The following SPAM1 variants were observed in gnomAD, a reference collection of about 807,000 sequenced individuals.
The protein encoded by SPAM1 is hyaluronidase PH-20.
A neutral mutation model predicts 29.6 loss-of-function variants in SPAM1; 22 were observed. The ratio of observed to expected loss-of-function variants is 0.74; its 90% CI spans 0.53 to 1.06. SPAM1 has a LOEUF of 1.06. Among genes scored for constraint, SPAM1 ranks in the 50% least tolerant of loss-of-function variants. SPAM1 has a pLI of 0.00. For synonymous variants in SPAM1, 194 were observed against 204.6 expected (o/e 0.95, Z 0.44); for missense variants, 534 against 604.0 (o/e 0.88, Z 1.21).
chr7:123,960,077 G>C, downstream of SPAM1: 1 of 1,459,526 alleles, frequency 6.9e-7, no homozygotes, highest in Non-Finnish European at 9.1e-7. Context: ...TTTTTGGAAA[G>C]TTCTTTCTGA....
At chr7:123,930,278 C>T (rs1319508711) in intron 1 of SPAM1, among the ~76,000 whole-genome samples, 1 of 152,124 alleles carries the variant, frequency 6.6e-6, no homozygotes, top group East Asian at 1.9e-4. Flanking sequence ...ATGGATTCAT[C>T]ATTTGGCCAT....
At chr7:123,959,084 A>C (rs1363270563) in intron 4 of SPAM1, among the ~76,000 whole-genome samples, 2 of 152,050 alleles carry the variant, frequency 1.3e-5, no homozygotes, top group African/African-American at 4.8e-5. Context: ...TAAGACTTAG[A>C]AAGCTTAAGA....
At chr7:123,956,967 A>T (rs1342184230) in intron 4 of SPAM1, among the ~76,000 whole-genome samples, 1 of 151,988 alleles carries the variant, frequency 6.6e-6, no homozygotes, top group African/African-American at 2.4e-5. Context: ...TCCATAGACT[A>T]CAAAGTATGC....
intron 3 of SPAM1, among the ~76,000 whole-genome samples, 162 bp downstream of exon 3, chr7:123,954,686 C>T (rs1022949138): frequency 3.3e-5 from 5 of 151,848 alleles, no homozygotes; most frequent in Non-Finnish European, 7.4e-5. Context: ...AACAAGAATA[C>T]GCTTAATCTT....
intron 4 of SPAM1, among the ~76,000 whole-genome samples, chr7:123,956,849 T>G (rs1239864480): frequency 6.6e-6 from 1 of 151,968 alleles, no homozygotes; most frequent in African/African-American, 2.4e-5. Flanking sequence ...TCAGTAATGT[T>G]TGGGAGGTAG....
chr7:123,955,181 T>G (rs748483874), intron 4 of SPAM1, 95 bp downstream of exon 4: 16 of 839,718 alleles, frequency 1.9e-5, no homozygotes, highest in Non-Finnish European at 3.2e-5. Context: ...AGTAGTACTA[T>G]GCTTGGCATG....
At chr7:123,951,363 C>T (rs1369701970) in intron 2 of SPAM1, among the ~76,000 whole-genome samples, 1 of 152,064 alleles carries the variant, frequency 6.6e-6, no homozygotes, top group Non-Finnish European at 1.5e-5. Flanking sequence ...AGGCAAATGT[C>T]AGCTTTTCTC....
At chr7:123,935,328 G>A (rs1390584186) in intron 1 of SPAM1, among the ~76,000 whole-genome samples, 2 of 152,104 alleles carry the variant, frequency 1.3e-5, no homozygotes, top group African/African-American at 4.8e-5. Context: ...CATAAGCATT[G>A]TGCTAAGTGT....
chr7:123,955,049 TTG>T lies in SPAM1; in HGVS notation c.1009_1010del (p.Val337AsnfsTer40), dbSNP rs1792219013. On this transcript the variant is annotated frameshift_variant, in exon 4 of 5. Transcript: ENST00000682466. LOFTEE classifies it low-confidence loss of function (END_TRUNC). ...ACTGTTGCTCTGGGTGCTTCTGGAA[TTG>T]TAATATGGGGAACCCTCAGTATAAT... The T allele has an allele frequency of 6.2e-7, 1 of 1,611,456 alleles. No individual in the cohort carries two copies. Among genetic ancestry groups the T allele is most frequent in the Admixed American group, 1.7e-5 (1 of 59,844 alleles).
intron 5 of SPAM1, among the ~76,000 whole-genome samples, chr7:123,966,267 A>G (rs909050701): frequency 6.6e-6 from 1 of 152,086 alleles, no homozygotes; most frequent in Non-Finnish European, 1.5e-5. Flanking sequence ...AAGTCAAGAA[A>G]CAACAGATGC....
chr7:123,927,861 A>T (rs908532499), intron 1 of SPAM1, among the ~76,000 whole-genome samples: 6 of 152,304 alleles, frequency 3.9e-5, no homozygotes, highest in Non-Finnish European at 8.8e-5. Context: ...CTTCCTCTAA[A>T]CATAAATGCA....
chr7:123,939,420 A>T (rs745880738), intron 1 of SPAM1, among the ~76,000 whole-genome samples: 9 of 152,016 alleles, frequency 5.9e-5, no homozygotes, highest in Non-Finnish European at 1.2e-4. Context: ...TTTCAATCAT[A>T]TCTGGGTGCG....
At chr7:123,963,887 T>C (rs1422472249), downstream of SPAM1, among the ~76,000 whole-genome samples, 2 of 151,916 alleles carry the variant, frequency 1.3e-5, no homozygotes, top group Admixed American at 6.6e-5. Context: ...TAAACAAAAG[T>C]TAGCTAGTAC....
At chr7:123,955,237 G>C in intron 4 of SPAM1, 151 bp downstream of exon 4, 1 of 563,184 alleles carries the variant, frequency 1.8e-6, no homozygotes, top group South Asian at 2.2e-5. Context: ...AAATACATTT[G>C]TGTGGTGGTT....
intron 2 of SPAM1, among the ~76,000 whole-genome samples, chr7:123,951,676 C>G (rs981390207): frequency 6.6e-6 from 1 of 152,108 alleles, no homozygotes; most frequent in Non-Finnish European, 1.5e-5. Flanking sequence ...GGCTGAAGTA[C>G]AGTGGTGCTA....
intron 1 of SPAM1, among the ~76,000 whole-genome samples, chr7:123,939,334 C>G (rs1808356067): frequency 1.3e-5 from 2 of 152,132 alleles, no homozygotes; most frequent in African/African-American, 4.8e-5. Flanking sequence ...ATCTGCCCGC[C>G]TCGGCCTTCC....
At chr7:123,964,535 G>T (rs953358940), downstream of SPAM1, among the ~76,000 whole-genome samples, 7 of 151,806 alleles carry the variant, frequency 4.6e-5, no homozygotes, top group African/African-American at 1.7e-4. Context: ...GTTTTTAAGA[G>T]ACAAGGTATC....
rs138899703 is a variant in SPAM1 at position 123,955,027 on chromosome 7, G to C, written c.985G>C (p.Val329Leu). The change falls in exon 4 of 5, where the codon GTT becomes CTT. Residue 329 changes from valine (V) to leucine (L), a missense_variant. Val to Leu is a conservative substitution (Grantham distance 32). Transcript: ENST00000682466. ...ACTTGTGTATACATTTGGCGAAACT[G>C]TTGCTCTGGGTGCTTCTGGAATTGT... Reference protein sequence around the residue: ...DELVYTFGETVALGASGIVIW... With the variant: ...DELVYTFGETLALGASGIVIW... 1 of 1,611,606 alleles carries C rather than the reference G, an allele frequency of 6.2e-7. No individual in the cohort carries two copies. Among genetic ancestry groups the C allele is most frequent in the Non-Finnish European group, 8.5e-7 (1 of 1,178,354 alleles).
At chr7:123,929,332 TG>T (rs1411302595) in intron 1 of SPAM1, among the ~76,000 whole-genome samples, 2 of 152,158 alleles carry the variant, frequency 1.3e-5, no homozygotes, top group African/African-American at 4.8e-5. Context: ...CAGGAAGGCC[TG>T]GGAGAAGTTC....
Sources: allele counts gnomAD v4.1 joint callset (sites outside exome capture counted in the v4.1 genomes callset), GRCh38; gene constraint gnomAD v4.1.1; transcripts MANE v1.5; gene names NCBI Gene and HGNC (gene_info 2026-07-23, HGNC 2026-07-21).